DNM1L: variants seen among roughly 807,000 people sequenced by gnomAD.
DNM1L encodes the protein dynamin 1L, also known as dynamin-1-like protein.
A neutral mutation model predicts 92.8 loss-of-function variants in DNM1L; 33 were observed. That is an observed-to-expected ratio of 0.36 (90% CI 0.27 to 0.48). DNM1L has a LOEUF of 0.48. Among genes scored for constraint, DNM1L ranks in the 20% least tolerant of loss-of-function variants. The pLI is 0.99. For synonymous variants in DNM1L, 284 were observed against 305.0 expected, an observed-to-expected ratio of 0.93 and a Z score of 0.72; for missense variants, 485 against 888.8, an observed-to-expected ratio of 0.55 and a Z score of 5.78.
intron 1 of DNM1L, among the ~76,000 whole-genome samples, chr12:32,682,279 T>C (rs990248576): frequency 6.6e-6 from 1 of 152,086 alleles, no homozygotes; most frequent in African/African-American, 2.4e-5. Context: ...ATTACAGGCA[T>C]GCACCACCAC....
At chr12:32,736,213 A>C (rs1954870953) in intron 13 of DNM1L, among the ~76,000 whole-genome samples, 1 of 151,694 alleles carries the variant, frequency 6.6e-6, no homozygotes, top group Non-Finnish European at 1.5e-5. Context: ...CTGGGATTAC[A>C]GGTGTGCGGC....
In DNM1L at chr12:32,742,631, A is replaced by G. The variant is rs960514151; in HGVS notation, c.2037A>G (p.Lys679=). The change falls in exon 19 of 20, where the codon AAA becomes AAG. Residue 679 remains lysine, a synonymous_variant. Transcript: ENST00000549701. ...AVMHFLVNHV[K]DTLQSELVGQ... is the part of the protein sequence containing the mutation. ...TGCATTTTTTGGTTAATCATGTGAA[A>G]GACACTCTTCAGAGTGAGCTAGTAG... 1 of 1,614,174 alleles carries G rather than the reference A, an allele frequency of 6.2e-7. No homozygotes were observed. Among genetic ancestry groups the G allele is most frequent in the South Asian group, 1.1e-5 (1 of 91,084 alleles).
chr12:32,732,628 G>A (rs2137532241), intron 12 of DNM1L: 1 of 453,516 alleles, frequency 2.2e-6, no homozygotes, highest in African/African-American at 2.0e-5. Flanking sequence ...CTGCTGCTTG[G>A]TTGTTTCTTT....
chr12:32,703,614 C>CGAA (rs1952800050), intron 2 of DNM1L, among the ~76,000 whole-genome samples: 1 of 86,894 alleles, frequency 1.2e-5, no homozygotes, highest in South Asian at 3.8e-4. Flanking sequence ...CATAAACTTT[C>CGAA]AAAAAAAAAA....
In DNM1L at chr12:32,715,775, A is replaced by G. The variant is rs141578939; in HGVS notation, c.619+2404A>G. Among the ~76,000 whole-genome samples, 1,425 of 152,292 alleles carry G rather than the reference A, an allele frequency of 9.4e-3. 18 individuals are homozygous for G. Among genetic ancestry groups the G allele is most frequent in the African/African-American group, 0.032 (1,340 of 41,570 alleles). On this transcript the variant is annotated intron_variant, in intron 6 of 19. Coordinates refer to ENST00000549701, the MANE Select transcript of DNM1L (RefSeq NM_012062.5). ...GTAACTGAAAAATACCATAGGTAAAATTGTACACTATGCAGAGCAGTTGGA... is the reference window on the plus strand; with the variant it reads ...GTAACTGAAAAATACCATAGGTAAAGTTGTACACTATGCAGAGCAGTTGGA...
At chr12:32,734,576 G>A (rs1592672202) in intron 13 of DNM1L, among the ~76,000 whole-genome samples, 1 of 152,192 alleles carries the variant, frequency 6.6e-6, no homozygotes, top group Non-Finnish European at 1.5e-5. Context: ...GGAGGTCAAG[G>A]CAGGTGGATC....
At chr12:32,734,897 CCTT>C (rs532755070) in intron 13 of DNM1L, among the ~76,000 whole-genome samples, 49 of 152,280 alleles carry the variant, frequency 3.2e-4, no homozygotes, top group African/African-American at 1.2e-3. Context: ...GAAGCAAGCA[CCTT>C]CTTAACACAG....
At chr12:32,708,330 T>C (rs1953002749) in intron 4 of DNM1L, 106 bp downstream of exon 4, 2 of 737,942 alleles carry the variant, frequency 2.7e-6, no homozygotes, top group Non-Finnish European at 4.6e-6. Flanking sequence ...CTCTTGATCT[T>C]AGCCAAAAGG....
chr12:32,698,637 A>G (rs1486000572), intron 1 of DNM1L, among the ~76,000 whole-genome samples: 1 of 152,230 alleles, frequency 6.6e-6, no homozygotes, highest in South Asian at 2.1e-4. Flanking sequence ...TGTAGAAAAT[A>G]AATTTTTAAA....
At chr12:32,738,657 T>C (rs891582158) in intron 16 of DNM1L, among the ~76,000 whole-genome samples, 8 of 152,186 alleles carry the variant, frequency 5.3e-5, no homozygotes, top group Non-Finnish European at 7.4e-5. Context: ...TTCTTTCTTA[T>C]GCTTCCAGTT....
chr12:32,696,383 AAC>A (rs58224525), intron 1 of DNM1L, among the ~76,000 whole-genome samples: 16,632 of 144,928 alleles, frequency 0.11, 1,021 homozygotes, highest in South Asian at 0.18. Flanking sequence ...CACACACACA[AAC>A]ACACACACAC....
chr12:32,713,633 CA>C (rs1239779135), intron 6 of DNM1L, among the ~76,000 whole-genome samples: 2 of 151,866 alleles, frequency 1.3e-5, no homozygotes, highest in East Asian at 3.9e-4. Flanking sequence ...GGTGGCTTTG[CA>C]AAAAGGATTT....
At chr12:32,714,954 C>T (rs961743520) in intron 6 of DNM1L, among the ~76,000 whole-genome samples, 1 of 152,070 alleles carries the variant, frequency 6.6e-6, no homozygotes, top group African/African-American at 2.4e-5. Context: ...GAGCCGAGAT[C>T]ATGCCATTGC....
chr12:32,706,474 G>C (rs1292358538), intron 2 of DNM1L, among the ~76,000 whole-genome samples: 1 of 152,136 alleles, frequency 6.6e-6, no homozygotes, highest in East Asian at 1.9e-4. Flanking sequence ...CAATTAAACA[G>C]TTCTAGTTTT....
At chr12:32,735,965 G>A (rs1387965258) in intron 13 of DNM1L, among the ~76,000 whole-genome samples, 2 of 151,982 alleles carry the variant, frequency 1.3e-5, no homozygotes, top group African/African-American at 2.4e-5. Flanking sequence ...TCCTACTTAG[G>A]AGCAATTGTG....
chr12:32,690,395 T>C (rs1423076323), intron 1 of DNM1L, among the ~76,000 whole-genome samples: 1 of 152,238 alleles, frequency 6.6e-6, no homozygotes, highest in Non-Finnish European at 1.5e-5. Flanking sequence ...TGGATTTGAA[T>C]AATGCCTGCT....
At chr12:32,684,721 A>G (rs1377047735) in intron 1 of DNM1L, among the ~76,000 whole-genome samples, 2 of 152,186 alleles carry the variant, frequency 1.3e-5, no homozygotes, top group African/African-American at 4.8e-5. Context: ...TGCCTGCCTC[A>G]GCTTCCCAAA....
At position 32,714,524 on chromosome 12, in the gene DNM1L, G is replaced by A. The variant is rs1049722394; in HGVS notation, c.619+1153G>A. Among the ~76,000 whole-genome samples the A allele has an allele frequency of 5.9e-5, 9 of 151,532 alleles. 1 individual carries two copies. Among genetic ancestry groups the A allele is most frequent in the Middle Eastern group, 3.2e-3 (1 of 314 alleles). ...CCTGACCTCGTGATCCGCCCGCCTC[G>A]GCCTCCCAGAGTGCTGGGATTACAG... On this transcript the variant is annotated intron_variant, in intron 6 of 19. Transcript: ENST00000549701.
intron 8 of DNM1L, among the ~76,000 whole-genome samples, chr12:32,721,655 G>A (rs1265685582): frequency 1.2e-4 from 19 of 152,128 alleles, no homozygotes; most frequent in Admixed American, 1.2e-3. Context: ...GATTCTAGCT[G>A]AATGTCCTTT....
Sources: gnomAD v4.1 joint callset for allele counts (sites outside exome capture counted in the v4.1 genomes callset) on GRCh38, gnomAD v4.1.1 for gene constraint, MANE v1.5 for transcripts, NCBI Gene and HGNC (gene_info 2026-07-23, HGNC 2026-07-21) for gene names.